Variants in GMDS observed in about 807,000 individuals in gnomAD.
GMDS encodes the protein GDP-mannose 4,6-dehydratase.
Under a neutral mutation model 49.9 loss-of-function variants are expected in GMDS, and 20 were observed. The observed-to-expected ratio is 0.40, with a 90% CI of 0.28 to 0.58. The LOEUF (loss-of-function observed/expected upper bound fraction) is 0.58, where lower values mean the gene tolerates loss of function less well. Ranked by LOEUF, GMDS falls within the 20% of genes least tolerant of loss-of-function variation. GMDS has a pLI of 0.42. For synonymous variants in GMDS, 177 were observed against 178.6 expected, an observed-to-expected ratio of 0.99 and a Z score of 0.07; for missense variants, 362 against 481.4, an observed-to-expected ratio of 0.75 and a Z score of 2.32.
rs539199424 is a variant in GMDS, at chr6:2,182,391, A to G, written c.103-57660T>C. On this transcript the variant is annotated intron_variant, in intron 1 of 10. Coordinates refer to ENST00000380815, the MANE Select transcript of GMDS (RefSeq NM_001500.4). ...TTAGTGAGGGTGGTTACACTAAACA[A>G]CAGATTCTCAATGTAGACAAAACAG... is the stretch of plus-strand genomic sequence containing the variant. Among the ~76,000 whole-genome samples the G allele has an allele frequency of 1.1e-4, 16 of 152,344 alleles. No individual in the cohort carries two copies. The South Asian group carries it at 3.3e-3, about 32-fold the overall frequency.
intron 9 of GMDS, among the ~76,000 whole-genome samples, chr6:1,652,137 C>G (rs530533612): frequency 6.6e-6 from 1 of 150,448 alleles, no homozygotes; most frequent in African/African-American, 2.4e-5. Flanking sequence ...CTTTGGGAGG[C>G]GAGGCGGGTG....
intron 9 of GMDS, among the ~76,000 whole-genome samples, chr6:1,704,467 T>C (rs1318467009): frequency 3.9e-5 from 6 of 152,060 alleles, no homozygotes; most frequent in Non-Finnish European, 5.9e-5. Context: ...GGGAGTACCA[T>C]TCAAGATGGT....
intron 7 of GMDS, among the ~76,000 whole-genome samples, chr6:1,928,301 G>A (rs759950517): frequency 3.0e-4 from 46 of 151,558 alleles, no homozygotes; most frequent in Admixed American, 1.7e-3. Flanking sequence ...GGAGGCAGAG[G>A]TTGCAGTGAG....
intron 4 of GMDS, among the ~76,000 whole-genome samples, chr6:2,066,072 C>T (rs534020160): frequency 1.8e-4 from 27 of 152,302 alleles, no homozygotes; most frequent in African/African-American, 3.4e-4. Flanking sequence ...GCGGATCTCT[C>T]GGCAGAAACT....
intron 1 of GMDS, among the ~76,000 whole-genome samples, chr6:2,197,034 G>C (rs986260610): frequency 6.6e-6 from 1 of 152,170 alleles, no homozygotes; most frequent in Non-Finnish European, 1.5e-5. Flanking sequence ...TCTGTGTCCA[G>C]CAGCAGTCCC....
At chr6:2,059,751 G>GA (rs983434786) in intron 4 of GMDS, among the ~76,000 whole-genome samples, 38 of 71,654 alleles carry the variant, frequency 5.3e-4, no homozygotes, top group East Asian at 3.3e-3. Flanking sequence ...AACTCCTAAA[G>GA]AAAAAAAAAT....
intron 9 of GMDS, among the ~76,000 whole-genome samples, chr6:1,629,348 A>G (rs1762930702): frequency 6.6e-6 from 1 of 152,106 alleles, no homozygotes; most frequent in African/African-American, 2.4e-5. Flanking sequence ...CTGAAGTGGA[A>G]GTCAGACCTC....
chr6:1,881,940 CA>C (rs1307913133), intron 7 of GMDS, among the ~76,000 whole-genome samples: 2 of 152,200 alleles, frequency 1.3e-5, no homozygotes, highest in African/African-American at 2.4e-5. Context: ...CAAAGTCTCA[CA>C]AGCTACAGTA....
At chr6:1,691,484 C>T (rs926400679) in intron 9 of GMDS, among the ~76,000 whole-genome samples, 1 of 152,108 alleles carries the variant, frequency 6.6e-6, no homozygotes, top group Admixed American at 6.5e-5. Context: ...CAAACCTGCA[C>T]ATCCTGCACA....
intron 6 of GMDS, among the ~76,000 whole-genome samples, chr6:1,946,734 T>G (rs1763090443): frequency 6.6e-6 from 1 of 152,156 alleles, no homozygotes. Flanking sequence ...AGCCCTTGGC[T>G]GCAGAAAAGG....
At chr6:2,152,023 G>A (rs1776869189) in intron 1 of GMDS, among the ~76,000 whole-genome samples, 1 of 152,104 alleles carries the variant, frequency 6.6e-6, no homozygotes, top group Non-Finnish European at 1.5e-5. Flanking sequence ...TGTTCTGTTA[G>A]AAAGTCCATC....
At chr6:1,642,510 T>C (rs1347565492) in intron 9 of GMDS, among the ~76,000 whole-genome samples, 1 of 152,170 alleles carries the variant, frequency 6.6e-6, no homozygotes, top group Non-Finnish European at 1.5e-5. Context: ...CTATAACTGT[T>C]GCTCAGATTT....
At chr6:1,835,733 G>A (rs1247589403) in intron 7 of GMDS, among the ~76,000 whole-genome samples, 1 of 152,078 alleles carries the variant, frequency 6.6e-6, no homozygotes, top group East Asian at 1.9e-4. Context: ...TGCATTTGGA[G>A]TAAAACAATT....
intron 9 of GMDS, among the ~76,000 whole-genome samples, chr6:1,651,954 G>C (rs11970520): frequency 6.6e-6 from 1 of 151,876 alleles, no homozygotes; most frequent in African/African-American, 2.4e-5. Flanking sequence ...GCACTGGCAC[G>C]TGCTGGGGAA....
At chr6:2,129,560 G>C (rs977751421) in intron 1 of GMDS, among the ~76,000 whole-genome samples, 3 of 152,188 alleles carry the variant, frequency 2.0e-5, no homozygotes, top group African/African-American at 7.2e-5. Context: ...TCTTTGTTTA[G>C]ATCATCTCAG....
chr6:2,000,781 C>G (rs1766765927), intron 4 of GMDS, among the ~76,000 whole-genome samples: 1 of 152,180 alleles, frequency 6.6e-6, no homozygotes, highest in South Asian at 2.1e-4. Context: ...CCCACCTTAG[C>G]CTCCCAAGTA....
intron 9 of GMDS, among the ~76,000 whole-genome samples, chr6:1,670,369 G>GTTTTTTTTTTT (rs1561715147): frequency 7.1e-6 from 1 of 140,796 alleles, no homozygotes; most frequent in Non-Finnish European, 1.6e-5. Flanking sequence ...GGTTTTTTTT[G>GTTTTTTTTTTT]GTTTTTTTTT....
At chr6:1,684,857 A>C (rs1764917744) in intron 9 of GMDS, among the ~76,000 whole-genome samples, 1 of 152,198 alleles carries the variant, frequency 6.6e-6, no homozygotes, top group Non-Finnish European at 1.5e-5. Context: ...AGCACCTGGC[A>C]CCAAGTAAAT....
At chr6:1,629,168 G>A (rs536578775) in intron 9 of GMDS, among the ~76,000 whole-genome samples, 2 of 152,148 alleles carry the variant, frequency 1.3e-5, no homozygotes, top group Non-Finnish European at 2.9e-5. Context: ...TGCAATATAC[G>A]ACATCTCTTC....
Sources: gnomAD v4.1 joint callset for allele counts (sites outside exome capture counted in the v4.1 genomes callset) on GRCh38, gnomAD v4.1.1 for gene constraint, MANE v1.5 for transcripts, NCBI Gene and HGNC (gene_info 2026-07-23, HGNC 2026-07-21) for gene names.